PPP2R2B: variants seen among roughly 807,000 people sequenced by gnomAD.
The protein encoded by PPP2R2B is serine/threonine-protein phosphatase 2A 55 kDa regulatory subunit B beta isoform.
Under a neutral mutation model 46.0 loss-of-function variants are expected in PPP2R2B, and 5 were observed. The observed-to-expected ratio is 0.11, with a 90% CI of 0.06 to 0.23. PPP2R2B has a LOEUF of 0.23. Ranked by LOEUF, PPP2R2B falls within the 10% of genes least tolerant of loss-of-function variation. The pLI, the probability that PPP2R2B is intolerant of heterozygous loss-of-function variation, is 1.00. For missense variants in PPP2R2B, 367 were observed against 575.0 expected, an observed-to-expected ratio of 0.64 and a Z score of 3.70; for synonymous variants, 215 against 206.7, an observed-to-expected ratio of 1.04 and a Z score of -0.34.
intron 5 of PPP2R2B, among the ~76,000 whole-genome samples, 184 bp downstream of exon 5, chr5:146,690,944 A>G (rs1468040760): frequency 6.6e-6 from 1 of 152,256 alleles, no homozygotes; most frequent in East Asian, 1.9e-4. Flanking sequence ...TGTAGTCATT[A>G]GAAGGCTTGG....
At chr5:146,805,178 C>T (rs1165897390) in intron 2 of PPP2R2B, among the ~76,000 whole-genome samples, 1 of 152,164 alleles carries the variant, frequency 6.6e-6, no homozygotes, top group Admixed American at 6.5e-5. Flanking sequence ...ATATCCATGG[C>T]TCTTATTACA....
chr5:146,859,515 C>G (rs1760860181), intron 2 of PPP2R2B, among the ~76,000 whole-genome samples: 1 of 152,122 alleles, frequency 6.6e-6, no homozygotes, highest in African/African-American at 2.4e-5. Flanking sequence ...ATATTTATTA[C>G]CTGGGTAACC....
intron 6 of PPP2R2B, among the ~76,000 whole-genome samples, chr5:146,643,349 T>A (rs1775352830): frequency 6.6e-6 from 1 of 151,250 alleles, no homozygotes; most frequent in South Asian, 2.1e-4. Flanking sequence ...CCCTGATCCA[T>A]GGAGCCTATA....
intron 2 of PPP2R2B, among the ~76,000 whole-genome samples, chr5:146,793,264 A>T (rs1328737805): frequency 1.3e-5 from 2 of 152,210 alleles, no homozygotes; most frequent in African/African-American, 4.8e-5. Flanking sequence ...TCAGGAGATG[A>T]TCAGAAGTTC....
chr5:146,771,996 A>G (rs1297280304), intron 2 of PPP2R2B, among the ~76,000 whole-genome samples: 1 of 152,222 alleles, frequency 6.6e-6, no homozygotes, highest in East Asian at 1.9e-4. Context: ...GCACATGTAC[A>G]CAGAGAATCA....
chr5:146,947,853 A>G (rs1402174801), intron 1 of PPP2R2B, among the ~76,000 whole-genome samples: 1 of 151,646 alleles, frequency 6.6e-6, no homozygotes, highest in East Asian at 2.0e-4. Context: ...CTACCACTTC[A>G]TTAGGAATGC....
At chr5:146,727,444 ATTTATCAC>A (rs1215250325) in intron 2 of PPP2R2B, among the ~76,000 whole-genome samples, 20 of 152,146 alleles carry the variant, frequency 1.3e-4, no homozygotes, top group African/African-American at 4.6e-4. Context: ...ATCACCTCAT[ATTTATCAC>A]TTTTTGTGGT....
At chr5:146,885,355 C>T (rs1044782718) in intron 1 of PPP2R2B, among the ~76,000 whole-genome samples, 3 of 152,282 alleles carry the variant, frequency 2.0e-5, no homozygotes, top group Non-Finnish European at 4.4e-5. Context: ...GTGTCTATTG[C>T]AGTGGGTTTA....
At chr5:146,852,089 A>T (rs1760383959) in intron 2 of PPP2R2B, among the ~76,000 whole-genome samples, 1 of 152,154 alleles carries the variant, frequency 6.6e-6, no homozygotes, top group South Asian at 2.1e-4. Context: ...TTAAAATTAA[A>T]GTGGCTCACT....
chr5:146,902,326 A>T (rs1341605875), intron 1 of PPP2R2B, among the ~76,000 whole-genome samples: 1 of 152,068 alleles, frequency 6.6e-6, no homozygotes. Flanking sequence ...CACCCACACA[A>T]CTACATCCTA....
rs1295173322 is a variant in PPP2R2B at position 146,589,418 on chromosome 5, T to C, written c.*529A>G. The C allele has an allele frequency of 5.8e-5, 9 of 154,030 alleles. No homozygotes were observed. The highest frequency in any genetic ancestry group is 2.2e-4 in the African/African-American group (9 of 41,402). The allele number at this position is 154,030 out of a possible 1,614,324, so 9.5% of individuals were successfully genotyped here. ...TAAATCTCTGGCTTAAATGAAATTGTTCAAAGGAAAATGGAAAATGGAAAA... is the reference window on the plus strand; with the variant it reads ...TAAATCTCTGGCTTAAATGAAATTGCTCAAAGGAAAATGGAAAATGGAAAA... On this transcript the variant is annotated 3_prime_UTR_variant, in exon 10 of 10. Coordinates refer to ENST00000394411, the MANE Select transcript of PPP2R2B (RefSeq NM_181675.4).
intron 2 of PPP2R2B, among the ~76,000 whole-genome samples, chr5:146,701,763 G>T (rs1021099129): frequency 6.6e-6 from 1 of 152,134 alleles, no homozygotes; most frequent in Non-Finnish European, 1.5e-5. Flanking sequence ...CCAGGAGAAG[G>T]GTGCTGAGAA....
intron 1 of PPP2R2B, among the ~76,000 whole-genome samples, chr5:147,006,405 G>T (rs191929451): frequency 4.7e-4 from 72 of 152,236 alleles, no homozygotes; most frequent in African/African-American, 1.7e-3. Flanking sequence ...CAAAAGTAAA[G>T]TTTGCTAAAA....
At chr5:146,872,937 C>T (rs1761698592) in intron 2 of PPP2R2B, among the ~76,000 whole-genome samples, 1 of 152,188 alleles carries the variant, frequency 6.6e-6, no homozygotes, top group South Asian at 2.1e-4. Context: ...CTCATCTATT[C>T]ATACAGTTTT....
At chr5:146,638,135 GT>G (rs1774943874) in intron 7 of PPP2R2B, 115 bp downstream of exon 7, 2 of 1,063,368 alleles carry the variant, frequency 1.9e-6, no homozygotes, top group African/African-American at 1.6e-5. Flanking sequence ...CCCACTTGTA[GT>G]TTCTTTACTC....
chr5:147,072,243 T>G (rs958301116), intron 2 of PPP2R2B, among the ~76,000 whole-genome samples: 1 of 152,238 alleles, frequency 6.6e-6, no homozygotes, highest in African/African-American at 2.4e-5. Flanking sequence ...ATTCTAGTTA[T>G]GTCCTATGGG....
intron 5 of PPP2R2B, among the ~76,000 whole-genome samples, chr5:146,677,410 G>A (rs1777804112): frequency 6.6e-6 from 1 of 152,094 alleles, no homozygotes. Flanking sequence ...GGCAAATGAA[G>A]TACATGCCGT....
rs188994710 is a variant in PPP2R2B, at chr5:146,651,976, T to C, written c.448-1252A>G. Among the ~76,000 whole-genome samples, 397 of 152,274 alleles carry C rather than the reference T, an allele frequency of 2.6e-3. 8 individuals carry two copies. The highest frequency in any genetic ancestry group is 7.9e-4 in the Non-Finnish European group (54 of 68,016). ...CAATGATTCAGAGGAAACACAGAATTCTAGACAGATGTGGTACTTGATAAC... is the reference window on the plus strand; with the variant it reads ...CAATGATTCAGAGGAAACACAGAATCCTAGACAGATGTGGTACTTGATAAC... On this transcript the variant is annotated intron_variant, in intron 5 of 9. Transcript: ENST00000394411.
chr5:147,077,859 T>C (rs946318678), intron 2 of PPP2R2B, among the ~76,000 whole-genome samples: 16 of 152,362 alleles, frequency 1.1e-4, no homozygotes, highest in African/African-American at 3.4e-4. Context: ...TTTTGTATTA[T>C]GCAACACAAA....
Sources: allele counts gnomAD v4.1 joint callset (sites outside exome capture counted in the v4.1 genomes callset), GRCh38; gene constraint gnomAD v4.1.1; transcripts MANE v1.5; gene names NCBI Gene and HGNC (gene_info 2026-07-23, HGNC 2026-07-21).